The following LAMA2 variants were observed in gnomAD, a reference collection of about 807,000 sequenced individuals.
LAMA2 encodes the protein laminin subunit alpha 2.
A neutral mutation model predicts 364.8 loss-of-function variants in LAMA2; 269 were observed. The ratio of observed to expected loss-of-function variants is 0.74; its 90% CI spans 0.67 to 0.82. The LOEUF (loss-of-function observed/expected upper bound fraction) is 0.82, where lower values mean the gene tolerates loss of function less well. Ranked by LOEUF, LAMA2 falls within the 40% of genes least tolerant of loss-of-function variation. LAMA2 has a pLI of 0.00. For missense variants in LAMA2, 3,807 were observed against 3,873.2 expected (o/e 0.98, Z 0.45); for synonymous variants, 1,379 against 1,370.6 (o/e 1.01, Z -0.14).
At chr6:128,921,138 A>G (rs1370867515) in intron 1 of LAMA2, among the ~76,000 whole-genome samples, 1 of 152,198 alleles carries the variant, frequency 6.6e-6, no homozygotes, top group Non-Finnish European at 1.5e-5. Context: ...ATAGATAGGA[A>G]TTACGTTTAA....
intron 4 of LAMA2, among the ~76,000 whole-genome samples, chr6:129,110,433 C>T (rs1408765151): frequency 2.0e-5 from 3 of 151,962 alleles, no homozygotes; most frequent in Non-Finnish European, 2.9e-5. Context: ...TTTTATTTTA[C>T]GTTACCTAAG....
chr6:128,895,407 TG>T (rs1776708711), intron 1 of LAMA2, among the ~76,000 whole-genome samples: 1 of 118,462 alleles, frequency 8.4e-6, no homozygotes, highest in Non-Finnish European at 1.7e-5. Flanking sequence ...CCGGGGCGGG[TG>T]GATCACGAGG....
chr6:129,104,636 C>T (rs868001175), intron 4 of LAMA2, among the ~76,000 whole-genome samples: 1 of 152,312 alleles, frequency 6.6e-6, no homozygotes, highest in Middle Eastern at 3.4e-3. Context: ...ATGTTCATAT[C>T]ATCACTGGAG....
intron 9 of LAMA2, among the ~76,000 whole-genome samples, chr6:129,171,058 C>A (rs1365949265): frequency 6.6e-6 from 1 of 151,962 alleles, no homozygotes; most frequent in African/African-American, 2.4e-5. Context: ...TATTTTGAGC[C>A]TATGTGTGTC....
At chr6:129,172,766 C>A (rs190957825) in intron 9 of LAMA2, among the ~76,000 whole-genome samples, 2,245 of 152,322 alleles carry the variant, frequency 0.015, 46 homozygotes, top group African/African-American at 0.05. Context: ...CGCCCCTCCC[C>A]CAGCCTCGCT....
chr6:129,232,300 A>G (rs1332912749), intron 12 of LAMA2, among the ~76,000 whole-genome samples: 1 of 152,130 alleles, frequency 6.6e-6, no homozygotes, highest in African/African-American at 2.4e-5. Flanking sequence ...CTTAAATGAC[A>G]TTACATAGAT....
intron 54 of LAMA2, among the ~76,000 whole-genome samples, chr6:129,480,952 G>A (rs1293451893): frequency 7.3e-6 from 1 of 136,160 alleles, no homozygotes; most frequent in East Asian, 2.1e-4. Context: ...TAAATCTTTG[G>A]TTTAAACAAC....
At position 129,131,373 on chromosome 6, in the gene LAMA2, G is replaced by A. The variant is rs1162391824; in HGVS notation, c.640-12528G>A. 7.3e-4 allele frequency among the ~76,000 whole-genome samples: 111 copies of A among 152,094 alleles called. 1 individual carries two copies. The highest frequency in any genetic ancestry group is 2.8e-4 in the Non-Finnish European group (19 of 68,030). ...AATATTAGCTATCCTGCATGGACCC[G>A]ACAGAAAATAAGGTCCTGAGTTTTA... On this transcript the variant is annotated intron_variant, in intron 4 of 64. Transcript: ENST00000421865.
chr6:129,225,824 G>T (rs1035390689), intron 12 of LAMA2, among the ~76,000 whole-genome samples: 2 of 152,192 alleles, frequency 1.3e-5, no homozygotes, highest in Admixed American at 1.3e-4. Context: ...ATTTGGGGTG[G>T]AGAGTTCTGC....
At chr6:129,234,827 G>A (rs1285728705) in intron 12 of LAMA2, among the ~76,000 whole-genome samples, 1 of 151,918 alleles carries the variant, frequency 6.6e-6, no homozygotes, top group East Asian at 1.9e-4. Flanking sequence ...ACATATTATC[G>A]ACTCTGTGTC....
intron 16 of LAMA2, among the ~76,000 whole-genome samples, chr6:129,269,031 G>C (rs265326): frequency 0.78 from 118,212 of 152,002 alleles, 46,959 homozygotes; most frequent in East Asian, 0.9. Context: ...TTTTAACCCA[G>C]CATTAAGTAG....
intron 1 of LAMA2, among the ~76,000 whole-genome samples, chr6:128,950,128 G>T (rs1003122063): frequency 6.6e-6 from 1 of 152,164 alleles, no homozygotes; most frequent in Non-Finnish European, 1.5e-5. Flanking sequence ...CAGATGCAAT[G>T]GTTACTGACT....
intron 41 of LAMA2, among the ~76,000 whole-genome samples, chr6:129,432,882 C>A (rs967966764): frequency 2.6e-5 from 4 of 152,154 alleles, no homozygotes; most frequent in African/African-American, 9.7e-5. Flanking sequence ...TCCCTCCTTT[C>A]CTGAAGCTCC....
chr6:129,404,739 TG>T (rs910009500), intron 40 of LAMA2, among the ~76,000 whole-genome samples: 2 of 152,190 alleles, frequency 1.3e-5, no homozygotes, highest in African/African-American at 4.8e-5. Flanking sequence ...GAGAATTTTT[TG>T]GGGGAGAAAT....
chr6:129,359,646 T>A (rs1047993817), intron 32 of LAMA2, among the ~76,000 whole-genome samples: 3 of 152,156 alleles, frequency 2.0e-5, no homozygotes, highest in Admixed American at 2.0e-4. Context: ...ATACACACAT[T>A]AACACATAAT....
Position 129,300,741 on chromosome 6 carries a change from G to T in LAMA2, c.3043G>T (p.Glu1015Ter), listed in dbSNP as rs1221510704. 1 of 1,613,646 alleles carries T rather than the reference G, an allele frequency of 6.2e-7. No homozygotes were observed. ...NFQEGGCTAC[E>*]CSHLGNNCDP... ...TCCCTCTTATACCGGTGAAGCTTGT[G>T]AATGTTCTCATCTGGGTAATAATTG... Residue 1015 changes from glutamate to a stop codon, truncating the protein, a stop_gained, in exon 22 of 65, where the codon GAA (glutamate) becomes TAA (stop). Coordinates refer to ENST00000421865, the MANE Select transcript of LAMA2 (RefSeq NM_000426.4). LOFTEE classifies it high-confidence loss of function.
At chr6:129,478,340 C>A (rs1246046345) in intron 53 of LAMA2, among the ~76,000 whole-genome samples, 1 of 151,992 alleles carries the variant, frequency 6.6e-6, no homozygotes, top group Non-Finnish European at 1.5e-5. Flanking sequence ...GTTTATGCTG[C>A]CTATGCAATT....
At chr6:129,274,083 T>C (rs1788123874) in intron 17 of LAMA2, among the ~76,000 whole-genome samples, 2 of 152,100 alleles carry the variant, frequency 1.3e-5, no homozygotes, top group South Asian at 4.1e-4. Flanking sequence ...TCACTTAGTT[T>C]ATAAATCCTA....
At chr6:129,023,744 C>G in intron 1 of LAMA2, among the ~76,000 whole-genome samples, 1 of 152,150 alleles carries the variant, frequency 6.6e-6, no homozygotes, top group South Asian at 2.1e-4. Context: ...CTATCTTGTT[C>G]TTAGTCTTGC....
Sources: gnomAD v4.1 joint callset for allele counts (sites outside exome capture counted in the v4.1 genomes callset) on GRCh38, gnomAD v4.1.1 for gene constraint, MANE v1.5 for transcripts, NCBI Gene and HGNC (gene_info 2026-07-23, HGNC 2026-07-21) for gene names.